DLGAP1: variants seen among roughly 807,000 people sequenced by gnomAD.
The protein encoded by DLGAP1 is DLG associated protein 1.
A neutral mutation model predicts 90.8 loss-of-function variants in DLGAP1; 11 were observed. The ratio of observed to expected loss-of-function variants is 0.12; its 90% CI spans 0.08 to 0.20. The LOEUF (loss-of-function observed/expected upper bound fraction) is 0.20. DLGAP1 is among the 10% of genes least tolerant of loss of function. The pLI is 1.00. For synonymous variants in DLGAP1, 558 were observed against 540.7 expected (o/e 1.03, Z -0.44); for missense variants, 1,050 against 1,333.8 (o/e 0.79, Z 3.31).
At chr18:3,579,616 A>C (rs1013204356) in intron 8 of DLGAP1, among the ~76,000 whole-genome samples, 2 of 152,244 alleles carry the variant, frequency 1.3e-5, no homozygotes, top group Non-Finnish European at 2.9e-5. Context: ...CTGATATAGC[A>C]CAACAAAAAT....
rs117178787 is a variant in DLGAP1, at chr18:3,628,672, A to C, written c.1592-46424T>G. Among the ~76,000 whole-genome samples, 340 of 152,300 alleles carry C rather than the reference A, an allele frequency of 2.2e-3. 1 individual carries two copies. Among genetic ancestry groups the C allele is most frequent in the Admixed American group, 6.2e-3 (95 of 15,290 alleles). On this transcript the variant is annotated intron_variant, in intron 7 of 12. Transcript: ENST00000315677. ...ATTTTCTTGCCTTTAGTATTTCTGC[A>C]TGCATTCCTAAACAATATAGCTTGA... is the stretch of plus-strand genomic sequence containing the variant.
At chr18:4,344,413 A>G (rs1279580880) in intron 1 of DLGAP1, among the ~76,000 whole-genome samples, 1 of 152,220 alleles carries the variant, frequency 6.6e-6, no homozygotes, top group Admixed American at 6.5e-5. Context: ...TGCCAGACTT[A>G]AAGACAAAAA....
intron 6 of DLGAP1, among the ~76,000 whole-genome samples, chr18:3,730,562 C>T (rs1397287147): frequency 6.6e-6 from 1 of 152,112 alleles, no homozygotes; most frequent in Non-Finnish European, 1.5e-5. Context: ...CATCTTATCT[C>T]TATTTTCCTA....
chr18:3,634,260 G>C (rs968656906), intron 7 of DLGAP1, among the ~76,000 whole-genome samples: 1 of 151,528 alleles, frequency 6.6e-6, no homozygotes. Context: ...ATATATTAAA[G>C]AAAAAAATCA....
intron 2 of DLGAP1, among the ~76,000 whole-genome samples, chr18:4,147,886 A>G (rs1485896960): frequency 6.6e-6 from 1 of 152,196 alleles, no homozygotes. Context: ...CATTTAGTTT[A>G]CAGAGTGGTT....
intron 4 of DLGAP1, among the ~76,000 whole-genome samples, chr18:3,818,172 A>G (rs971531589): frequency 1.3e-5 from 2 of 152,184 alleles, no homozygotes; most frequent in African/African-American, 4.8e-5. Flanking sequence ...CAGAGATCTT[A>G]ATTTTTGATG....
intron 1 of DLGAP1, among the ~76,000 whole-genome samples, chr18:4,214,747 G>C (rs540638839): frequency 6.6e-6 from 1 of 152,240 alleles, no homozygotes; most frequent in African/African-American, 2.4e-5. Context: ...CAGGGGACTA[G>C]AATTAATTAA....
At chr18:3,990,908 C>A (rs1238669567) in intron 3 of DLGAP1, among the ~76,000 whole-genome samples, 1 of 151,696 alleles carries the variant, frequency 6.6e-6, no homozygotes, top group South Asian at 2.1e-4. Context: ...TAAAACCACT[C>A]ACTTTTTTTT....
chr18:4,426,917 C>CA (rs11465167), intron 1 of DLGAP1, among the ~76,000 whole-genome samples: 9,177 of 152,078 alleles, frequency 0.06, 888 homozygotes, highest in African/African-American at 0.21. Context: ...AAATAATAAA[C>CA]ATATGAAGTG....
At chr18:3,923,027 G>A (rs755656480) in intron 3 of DLGAP1, among the ~76,000 whole-genome samples, 1 of 151,124 alleles carries the variant, frequency 6.6e-6, no homozygotes, top group Non-Finnish European at 1.5e-5. Flanking sequence ...CCAGCTACTC[G>A]GGAGGCTGAA....
intron 3 of DLGAP1, among the ~76,000 whole-genome samples, chr18:3,970,750 T>C (rs983609551): frequency 2.0e-5 from 3 of 148,934 alleles, no homozygotes; most frequent in African/African-American, 7.8e-5. Flanking sequence ...ATATTAGAGA[T>C]ATCTTGACAT....
rs1198155212 is a variant in DLGAP1 at position 4,454,358 on chromosome 18, G to A, written c.-267+648C>T. 6.6e-6 allele frequency among the ~76,000 whole-genome samples: 1 copy of A among 152,158 alleles called. No homozygotes were observed. The highest frequency in any genetic ancestry group is 1.5e-5 in the Non-Finnish European group (1 of 68,022). On this transcript the variant is annotated intron_variant, in intron 1 of 12. Transcript: ENST00000315677. This position sits in a 1 kb window ranked among gnomAD's most constrained non-coding sequence, Gnocchi z 4.7. ...CGCGATTCTCCGGGAATTGGCCTTG[G>A]CCGCGGGCAGGGGGCGACTCTCCAG...
At chr18:4,184,490 T>C (rs577842265) in intron 1 of DLGAP1, among the ~76,000 whole-genome samples, 86 of 152,184 alleles carry the variant, frequency 5.7e-4, no homozygotes, top group Middle Eastern at 6.8e-3. Flanking sequence ...AATCCCTCAG[T>C]GTAAACACTG....
At chr18:4,148,875 C>G (rs2076628588) in intron 2 of DLGAP1, among the ~76,000 whole-genome samples, 1 of 152,248 alleles carries the variant, frequency 6.6e-6, no homozygotes, top group Non-Finnish European at 1.5e-5. Flanking sequence ...AACACAACCA[C>G]AGGCTTTATC....
In DLGAP1 at chr18:3,988,452, C is replaced by G. The variant is rs558004312; in HGVS notation, c.-73+16664G>C. Reference sequence around the variant, plus strand: ...CTCTGCTAATGTTAATCTGTATTTGCAGCCACTCCCCAGTGATTGCATCAC... The same window carrying G: ...CTCTGCTAATGTTAATCTGTATTTGGAGCCACTCCCCAGTGATTGCATCAC... On this transcript the variant is annotated intron_variant, in intron 3 of 12. Coordinates refer to ENST00000315677, the MANE Select transcript of DLGAP1 (RefSeq NM_004746.4). Among the ~76,000 whole-genome samples, 559 of 152,240 alleles carry G rather than the reference C, an allele frequency of 3.7e-3. 2 individuals carry two copies. The highest frequency in any genetic ancestry group is 3.1e-3 in the Non-Finnish European group (208 of 68,022).
intron 1 of DLGAP1, among the ~76,000 whole-genome samples, chr18:4,395,088 T>C (rs1050971181): frequency 2.0e-5 from 3 of 152,262 alleles, no homozygotes; most frequent in African/African-American, 7.2e-5. Flanking sequence ...TTTCTGATTT[T>C]TCAGACTTTC....
intron 2 of DLGAP1, among the ~76,000 whole-genome samples, chr18:4,043,292 AG>A (rs2075002835): frequency 6.6e-6 from 1 of 152,242 alleles, no homozygotes; most frequent in South Asian, 2.1e-4. Flanking sequence ...GAAAATGACA[AG>A]CTTGAAATTA....
At chr18:3,595,372 C>T (rs1181593232) in intron 7 of DLGAP1, among the ~76,000 whole-genome samples, 1 of 152,172 alleles carries the variant, frequency 6.6e-6, no homozygotes, top group Non-Finnish European at 1.5e-5. Context: ...CTAATCTGGA[C>T]TTCTATTGAA....
intron 4 of DLGAP1, chr18:3,821,758 C>T: frequency 3.2e-6 from 1 of 314,718 alleles, no homozygotes; most frequent in African/African-American, 2.3e-5. Context: ...CTTGAAGCAT[C>T]CCAACAGCGT....
Sources: allele counts gnomAD v4.1 joint callset (sites outside exome capture counted in the v4.1 genomes callset), GRCh38; gene constraint gnomAD v4.1.1; non-coding constraint Gnocchi (gnomAD v3.1); transcripts MANE v1.5; gene names NCBI Gene and HGNC (gene_info 2026-07-23, HGNC 2026-07-21).